Variants in GARNL3 observed in about 807,000 individuals in gnomAD.
GARNL3 encodes GTPase-activating Rap/Ran-GAP domain-like protein 3.
GARNL3 carries 63 observed loss-of-function variants against 125.0 expected under a neutral mutation model. That is an observed-to-expected ratio of 0.50 (90% CI 0.41 to 0.62). The LOEUF is 0.62. Ranked by LOEUF, GARNL3 falls within the 20% of genes least tolerant of loss-of-function variation. The pLI, the probability that GARNL3 is intolerant of heterozygous loss-of-function variation, is 0.00. For missense variants in GARNL3, 994 were observed against 1,244.0 expected (o/e 0.80, Z 3.02); for synonymous variants, 439 against 457.5 (o/e 0.96, Z 0.52).
chr9:127,242,877 T>C lies in GARNL3; in HGVS notation c.-28-202T>C, dbSNP rs1339094840. Among the ~76,000 whole-genome samples the C allele has an allele frequency of 2.6e-5, 4 of 152,180 alleles. No homozygotes were observed. The highest frequency in any genetic ancestry group is 2.6e-4 in the Admixed American group (4 of 15,274). On this transcript the variant is annotated intron_variant, in intron 1 of 10. Coordinates refer to the GARNL3 transcript ENST00000439286. The surrounding 1 kb of genome is among the most constrained non-coding windows in gnomAD (Gnocchi z 4.6). The stretch of plus-strand genomic sequence containing the variant: ...GCTGAGGGATGTAACAGGACTTGGA[T>C]GGTTCCATGGCCCAATGCTTCCTTG...
rs1830639346 is a variant in GARNL3, at chr9:127,355,464, T to C, written c.1927T>C (p.Tyr643His). The C allele has an allele frequency of 6.2e-7, 1 of 1,613,998 alleles. No individual in the cohort carries two copies. The highest frequency in any genetic ancestry group is 8.5e-7 in the Non-Finnish European group (1 of 1,179,940). ...LSESPVEEFQ[Y>H]IREICLSDSP... ...TGAGTCACCTGTTGAAGAATTCCAG[T>C]ACATCAGGGTAGGTTTGCTCTTTAA... The change falls in exon 20 of 28, where the codon TAC becomes CAC. Residue 643 changes from tyrosine to histidine, a missense_variant. By Grantham distance (83) the Tyr-to-His change is moderately conservative. This residue lies in a region of GARNL3 where 728 missense variants were observed against 865.7 expected (regional missense o/e 0.84). Transcript: ENST00000373387.
At chr9:127,241,265 T>C (rs1230986353) in intron 1 of GARNL3, among the ~76,000 whole-genome samples, 2 of 152,172 alleles carry the variant, frequency 1.3e-5, no homozygotes, top group African/African-American at 4.8e-5. Flanking sequence ...ACAAGTATTA[T>C]CTTTGTAATT....
chr9:127,273,810 GT>G (rs1225848388), intron 1 of GARNL3, among the ~76,000 whole-genome samples: 1 of 152,126 alleles, frequency 6.6e-6, no homozygotes, highest in Non-Finnish European at 1.5e-5. Context: ...CTGGTTTGTT[GT>G]TAACCTTATA....
intron 1 of GARNL3, among the ~76,000 whole-genome samples, chr9:127,290,357 G>T (rs2064378210): frequency 6.6e-6 from 1 of 152,134 alleles, no homozygotes; most frequent in Non-Finnish European, 1.5e-5. Context: ...TCTTTCCTGA[G>T]AAATCACATT....
chr9:127,349,214 C>T (rs1396855866), intron 17 of GARNL3, among the ~76,000 whole-genome samples, 179 bp downstream of exon 17: 2 of 152,026 alleles, frequency 1.3e-5, no homozygotes, highest in African/African-American at 2.4e-5. Context: ...AGGAAATATA[C>T]TCTGAACCAA....
chr9:127,233,449 G>A (rs978000573), intron 1 of GARNL3, among the ~76,000 whole-genome samples: 8 of 152,020 alleles, frequency 5.3e-5, no homozygotes, highest in African/African-American at 1.7e-4. Flanking sequence ...AATTGATATT[G>A]GGTTGGTAGA....
chr9:127,253,588 G>A (rs563651346), intron 2 of GARNL3, among the ~76,000 whole-genome samples: 1 of 152,274 alleles, frequency 6.6e-6, no homozygotes, highest in East Asian at 1.9e-4. Flanking sequence ...GAAGAAGGAG[G>A]AGTTTGGAGG....
intron 2 of GARNL3, among the ~76,000 whole-genome samples, chr9:127,306,122 A>G (rs540255177): frequency 1.1e-4 from 17 of 152,298 alleles, no homozygotes; most frequent in African/African-American, 4.1e-4. Context: ...CATGCCTTTG[A>G]ATCCCCTTGG....
chr9:127,318,975 G>A (rs1456511937), intron 5 of GARNL3, among the ~76,000 whole-genome samples: 2 of 152,200 alleles, frequency 1.3e-5, no homozygotes, highest in African/African-American at 2.4e-5. Flanking sequence ...TGACTCCAGA[G>A]CTTGGGCTGT....
intron 6 of GARNL3, among the ~76,000 whole-genome samples, chr9:127,321,196 C>T (rs999922348): frequency 2.9e-4 from 44 of 152,018 alleles, no homozygotes; most frequent in Non-Finnish European, 1.3e-4. Context: ...TGCAATGGTG[C>T]GATCTCAGCT....
At chr9:127,347,128 A>G (rs1830181221) in intron 16 of GARNL3, among the ~76,000 whole-genome samples, 1 of 152,190 alleles carries the variant, frequency 6.6e-6, no homozygotes, top group Admixed American at 6.5e-5. Flanking sequence ...GCACCTGCCC[A>G]TTAAAATGGG....
intron 22 of GARNL3, among the ~76,000 whole-genome samples, chr9:127,371,193 C>G: frequency 6.6e-6 from 1 of 152,340 alleles, no homozygotes; most frequent in East Asian, 1.9e-4. Context: ...CCAGTCACTC[C>G]TCACCTGGTC....
intron 22 of GARNL3, among the ~76,000 whole-genome samples, chr9:127,366,017 C>T (rs1831269192): frequency 6.6e-6 from 1 of 151,998 alleles, no homozygotes; most frequent in South Asian, 2.1e-4. Flanking sequence ...ATTTCAAAAG[C>T]TAATATTATA....
intron 1 of GARNL3, chr9:127,225,390 T>C: frequency 2.0e-6 from 2 of 983,944 alleles, no homozygotes; most frequent in Non-Finnish European, 2.4e-6. Context: ...GGGGTGCAGC[T>C]TCGAGAGCCC....
At chr9:127,274,408 C>T (rs1340674799) in intron 1 of GARNL3, among the ~76,000 whole-genome samples, 4 of 152,200 alleles carry the variant, frequency 2.6e-5, no homozygotes, top group African/African-American at 9.7e-5. Context: ...ACAAAATCAA[C>T]CTTGGGAACC....
chr9:127,331,739 A>ATT (rs1564147694), intron 7 of GARNL3, among the ~76,000 whole-genome samples: 8 of 33,046 alleles, frequency 2.4e-4, no homozygotes, highest in East Asian at 2.7e-3. Context: ...TTTTTTTCAC[A>ATT]TCTGTTTTGT....
intron 10 of GARNL3, among the ~76,000 whole-genome samples, chr9:127,335,817 T>C (rs1262470122): frequency 6.6e-6 from 1 of 152,172 alleles, no homozygotes; most frequent in Non-Finnish European, 1.5e-5. Context: ...TTGACAAGTA[T>C]TGTTATCAGG....
Position 127,354,363 on chromosome 9 carries a change from G to A in GARNL3, c.1712G>A (p.Gly571Glu). Residue 571 changes from glycine (G) to glutamate (E), a missense_variant, in exon 19 of 28, where the codon GGG becomes GAG. By Grantham distance (98) the Gly-to-Glu change is moderately conservative. Transcript: ENST00000373387. ...AAGGGCCTTGAGGGGAAGCAGGCTGGGAAGAGCAGGTCTGACTGCAGAGAA... is the reference window on the plus strand; with the variant it reads ...AAGGGCCTTGAGGGGAAGCAGGCTGAGAAGAGCAGGTCTGACTGCAGAGAA... Reference protein sequence around the residue: ...LQKGLEGKQAGKSRSDCRENK... With the variant: ...LQKGLEGKQAEKSRSDCRENK... The A allele has an allele frequency of 1.9e-6, 3 of 1,613,892 alleles. No homozygotes were observed. Among genetic ancestry groups the A allele is most frequent in the Non-Finnish European group, 2.5e-6 (3 of 1,179,828 alleles).
At chr9:127,366,698 G>A (rs557340254) in intron 22 of GARNL3, 1 of 152,356 alleles carries the variant, frequency 6.6e-6, no homozygotes, top group Non-Finnish European at 1.5e-5. Flanking sequence ...GGTTTTTAGA[G>A]TGGGAGAATT....
Sources: gnomAD v4.1 joint callset for allele counts (sites outside exome capture counted in the v4.1 genomes callset) on GRCh38, gnomAD v4.1.1 for gene constraint, gnomAD v4.1.1 regional missense constraint, Gnocchi (gnomAD v3.1) non-coding constraint, MANE v1.5 for transcripts, NCBI Gene and HGNC (gene_info 2026-07-23, HGNC 2026-07-21) for gene names.